Variants in SLC25A31 observed in about 807,000 individuals in gnomAD.
SLC25A31 encodes the protein solute carrier family 25 member 31.
SLC25A31 carries 40 observed loss-of-function variants against 36.2 expected under a neutral mutation model. That is an observed-to-expected ratio of 1.10 (90% CI 0.86 to 1.44). The LOEUF is 1.44. SLC25A31 is among the 40% of genes most tolerant of loss of function. The pLI is 0.00. For synonymous variants in SLC25A31, 143 were observed against 149.7 expected (o/e 0.96, Z 0.32); for missense variants, 350 against 397.1 (o/e 0.88, Z 1.01).
At chr4:127,768,684 C>A in intron 4 of SLC25A31, 68 bp from the exon 5 acceptor site, 1 of 1,319,924 alleles carries the variant, frequency 7.6e-7, no homozygotes, top group Non-Finnish European at 1.0e-6. Context: ...TAAAAATTAT[C>A]CTTTAACTTA....
intron 1 of SLC25A31, among the ~76,000 whole-genome samples, chr4:127,739,521 A>C (rs1442708569): frequency 6.6e-6 from 1 of 152,004 alleles, no homozygotes; most frequent in Non-Finnish European, 1.5e-5. Flanking sequence ...GCTCTCTTTA[A>C]GATTTTTTCT....
At chr4:127,752,383 C>T (rs1731951611) in intron 2 of SLC25A31, among the ~76,000 whole-genome samples, 2 of 149,918 alleles carry the variant, frequency 1.3e-5, no homozygotes, top group African/African-American at 2.5e-5. Flanking sequence ...AACACATGGA[C>T]ACAGGAAGGG....
intron 5 of SLC25A31, among the ~76,000 whole-genome samples, chr4:127,770,346 G>GC (rs1156483346): frequency 6.6e-6 from 1 of 152,190 alleles, no homozygotes; most frequent in African/African-American, 2.4e-5. Flanking sequence ...ATGCACTTGA[G>GC]CCAGGCACTG....
chr4:127,730,796 C>A lies in SLC25A31; in HGVS notation c.232+19C>A. The A allele has an allele frequency of 6.3e-7, 1 of 1,592,120 alleles. No homozygotes were observed. Among genetic ancestry groups the A allele is most frequent in the East Asian group, 2.3e-5 (1 of 44,100 alleles). On this transcript the variant is annotated intron_variant, in intron 1 of 5. Coordinates refer to ENST00000281154, the MANE Select transcript of SLC25A31 (RefSeq NM_031291.4). ...GAGCAGGGTGCGTCAAGGCAGGCCG[C>A]CCCGACAGCCTCTCCCGGCGCCCTC...
At chr4:127,754,537 T>TAA (rs35065040) in intron 2 of SLC25A31, among the ~76,000 whole-genome samples, 1 of 146,080 alleles carries the variant, frequency 6.8e-6, no homozygotes, top group Admixed American at 6.8e-5. Context: ...ACAATAGCTT[T>TAA]AAAAAAAAAA....
intron 5 of SLC25A31, among the ~76,000 whole-genome samples, chr4:127,772,957 A>G (rs1732392540): frequency 6.6e-6 from 1 of 151,486 alleles, no homozygotes; most frequent in Non-Finnish European, 1.5e-5. Flanking sequence ...AATTTTTTGT[A>G]TTTTTTGTTG....
intron 1 of SLC25A31, among the ~76,000 whole-genome samples, chr4:127,735,685 G>A (rs189076318): frequency 6.6e-6 from 1 of 150,804 alleles, no homozygotes; most frequent in East Asian, 2.0e-4. Context: ...TTTTACAGAT[G>A]TACATAATAT....
intron 2 of SLC25A31, among the ~76,000 whole-genome samples, chr4:127,746,439 G>A (rs1430822867): frequency 2.0e-5 from 3 of 151,984 alleles, no homozygotes; most frequent in Non-Finnish European, 4.4e-5. Flanking sequence ...CCACAACCTC[G>A]CCAGCATCTG....
chr4:127,749,099 C>T (rs979964043), intron 2 of SLC25A31, among the ~76,000 whole-genome samples: 6 of 144,662 alleles, frequency 4.1e-5, no homozygotes, highest in South Asian at 2.2e-4. Context: ...CAGAACAAAA[C>T]GGAAATCCTG....
chr4:127,768,377 T>C (rs1415684050), intron 4 of SLC25A31, among the ~76,000 whole-genome samples: 1 of 152,064 alleles, frequency 6.6e-6, no homozygotes, highest in Admixed American at 6.5e-5. Flanking sequence ...TCTCCACTAG[T>C]TTTAAAGCTG....
chr4:127,768,072 AT>A (rs1282679721), intron 4 of SLC25A31, among the ~76,000 whole-genome samples: 3 of 151,918 alleles, frequency 2.0e-5, no homozygotes, highest in Non-Finnish European at 4.4e-5. Context: ...GCAAAAAAAA[AT>A]CCATGTTCTT....
intron 1 of SLC25A31, among the ~76,000 whole-genome samples, chr4:127,740,862 G>A (rs1417435776): frequency 6.6e-6 from 1 of 152,166 alleles, no homozygotes; most frequent in Admixed American, 6.5e-5. Flanking sequence ...CACAGAAAGG[G>A]TAGGGTGGCT....
intron 1 of SLC25A31, among the ~76,000 whole-genome samples, chr4:127,733,709 A>G (rs1731572494): frequency 6.6e-6 from 1 of 152,226 alleles, no homozygotes; most frequent in African/African-American, 2.4e-5. Flanking sequence ...GTCAAGACAC[A>G]TGCACATCTC....
intron 2 of SLC25A31, among the ~76,000 whole-genome samples, chr4:127,751,181 G>A (rs187845728): frequency 6.6e-6 from 1 of 152,204 alleles, no homozygotes; most frequent in East Asian, 1.9e-4. Context: ...TATACTACAA[G>A]GCTACAGTAA....
Position 127,744,761 on chromosome 4 carries a change from A to G in SLC25A31, c.322A>G (p.Lys108Glu). 1 of 1,594,466 alleles carries G rather than the reference A, an allele frequency of 6.3e-7. No homozygotes were observed. Among genetic ancestry groups the G allele is most frequent in the Non-Finnish European group, 8.6e-7 (1 of 1,166,598 alleles). ...AAACTTTGCTTTTAAGGACAAATAC[A>G]AGCAGCTATTCATGTCTGGAGTTAA... Reference protein sequence around the residue: ...ALNFAFKDKYKQLFMSGVNKE... With the variant: ...ALNFAFKDKYEQLFMSGVNKE... Residue 108 changes from lysine to glutamate, a missense_variant, in exon 2 of 6, where the codon AAG (lysine) becomes GAG (glutamate). Lys to Glu is a moderately conservative substitution (Grantham distance 56). Coordinates refer to ENST00000281154, the MANE Select transcript of SLC25A31 (RefSeq NM_031291.4).
Position 127,752,484 on chromosome 4 carries a change from G to A in SLC25A31, c.360+7685G>A, listed in dbSNP as rs192321999. Among the ~76,000 whole-genome samples the A allele has an allele frequency of 4.0e-3, 602 of 152,036 alleles. 3 individuals are homozygous for A. The highest frequency in any genetic ancestry group is 6.2e-3 in the Non-Finnish European group (422 of 67,992). On this transcript the variant is annotated intron_variant, in intron 2 of 5. Coordinates refer to ENST00000281154, the MANE Select transcript of SLC25A31 (RefSeq NM_031291.4). ...TCTAATGTAAATGATGAGTTAATGGGTGCAGGACACCAACATGGCACATGT... is the reference window on the plus strand; with the variant it reads ...TCTAATGTAAATGATGAGTTAATGGATGCAGGACACCAACATGGCACATGT...
intron 1 of SLC25A31, among the ~76,000 whole-genome samples, chr4:127,732,101 C>T (rs1192767125): frequency 2.0e-5 from 3 of 152,132 alleles, no homozygotes; most frequent in African/African-American, 4.8e-5. Context: ...TTTATATAAT[C>T]CACCCATATA....
Position 127,767,269 on chromosome 4 carries a change from T to A in SLC25A31, c.633+49T>A, listed in dbSNP as rs1477291935. 3 of 1,367,602 alleles carry A rather than the reference T, an allele frequency of 2.2e-6. No individual in the cohort carries two copies. The African/African-American group carries it at 4.5e-5, about 20-fold the overall frequency. 84.7% of individuals were successfully genotyped at this position (1,367,602 alleles called of 1,614,324 possible). ...ACATATTAAATATATGGTTTCCATT[T>A]ATTTAATTAGTAATGTTTTCAGCAG... On this transcript the variant is annotated intron_variant, in intron 4 of 5. Coordinates refer to ENST00000281154, the MANE Select transcript of SLC25A31 (RefSeq NM_031291.4).
Position 127,764,313 on chromosome 4 carries a change from A to G in SLC25A31, c.431A>G (p.Tyr144Cys). Reference sequence around the variant, plus strand: ...GGGGCAACATCCTTATGTGTAGTATATCCTCTAGATTTTGCCCGAACCCGA... The same window carrying G: ...GGGGCAACATCCTTATGTGTAGTATGTCCTCTAGATTTTGCCCGAACCCGA... ...AAGATSLCVV[Y>C]PLDFARTRLG... is the part of the protein sequence containing the mutation. The change falls in exon 3 of 6, where the codon TAT becomes TGT. Residue 144 changes from tyrosine (Y) to cysteine (C), a missense_variant. By Grantham distance (194) the Tyr-to-Cys change is radical. Coordinates refer to ENST00000281154, the MANE Select transcript of SLC25A31 (RefSeq NM_031291.4). 1 of 1,614,050 alleles carries G rather than the reference A, an allele frequency of 6.2e-7. No individual in the cohort carries two copies. The highest frequency in any genetic ancestry group is 2.2e-5 in the East Asian group (1 of 44,868).
Sources: gnomAD v4.1 joint callset for allele counts (sites outside exome capture counted in the v4.1 genomes callset) on GRCh38, gnomAD v4.1.1 for gene constraint, MANE v1.5 for transcripts, NCBI Gene and HGNC (gene_info 2026-07-23, HGNC 2026-07-21) for gene names.